The following SYTL3 variants were observed in gnomAD, a reference collection of about 807,000 sequenced individuals.
SYTL3 encodes the protein synaptotagmin like 3.
SYTL3 carries 88 observed loss-of-function variants against 82.1 expected under a neutral mutation model. The observed-to-expected ratio is 1.07, with a 90% confidence interval of 0.90 to 1.28. The LOEUF (loss-of-function observed/expected upper bound fraction) is 1.28, where lower values mean the gene tolerates loss of function less well. Ranked by LOEUF, SYTL3 falls within the 50% of genes most tolerant of loss-of-function variation. SYTL3 has a pLI of 0.00. For missense variants in SYTL3, 831 were observed against 757.6 expected, an observed-to-expected ratio of 1.10 and a Z score of -1.14; for synonymous variants, 311 against 289.4, an observed-to-expected ratio of 1.07 and a Z score of -0.76.
rs546702503 is a variant in SYTL3, at chr6:158,678,111, A to G, written c.330-4814A>G. 1.8e-4 allele frequency among the ~76,000 whole-genome samples: 28 copies of G among 152,246 alleles called. No individual in the cohort carries two copies. In the South Asian group the frequency reaches 5.8e-3, roughly 32 times the overall value. ...AGGCTGGTCTGGAACTCCTGCGTTC[A>G]AGCAATCCTCTCGCCTCGGCCTCCG... On this transcript the variant is annotated intron_variant, in intron 5 of 17. Transcript: ENST00000611299.
intron 2 of SYTL3, among the ~76,000 whole-genome samples, chr6:158,660,966 G>A (rs527664322): frequency 3.2e-4 from 48 of 152,282 alleles, no homozygotes; most frequent in South Asian, 1.2e-3. Context: ...GAGGCTAAAG[G>A]ATTGCTTGAG....
chr6:158,697,277 GAA>G (rs35335929), intron 6 of SYTL3, among the ~76,000 whole-genome samples: 184 of 94,484 alleles, frequency 1.9e-3, no homozygotes, highest in Middle Eastern at 6.0e-3. Flanking sequence ...CATCTCTACG[GAA>G]AAAAAAAAAA....
chr6:158,758,072 G>C (rs137957471), intron 14 of SYTL3, among the ~76,000 whole-genome samples: 1 of 152,162 alleles, frequency 6.6e-6, no homozygotes, highest in Non-Finnish European at 1.5e-5. Flanking sequence ...GCTGTGTCCA[G>C]ATCCCGGACT....
intron 6 of SYTL3, among the ~76,000 whole-genome samples, chr6:158,694,089 G>T (rs1780304207): frequency 6.6e-6 from 1 of 152,088 alleles, no homozygotes; most frequent in African/African-American, 2.4e-5. Context: ...TAAAAGAAGT[G>T]TGTGTCTTGG....
At chr6:158,704,428 A>G (rs980313631) in intron 6 of SYTL3, among the ~76,000 whole-genome samples, 1 of 152,212 alleles carries the variant, frequency 6.6e-6, no homozygotes, top group African/African-American at 2.4e-5. Context: ...CGCAGCGGGG[A>G]CGCGGGGGAT....
intron 11 of SYTL3, among the ~76,000 whole-genome samples, chr6:158,743,671 C>T (rs1438412076): frequency 1.5e-5 from 2 of 134,012 alleles, no homozygotes; most frequent in Non-Finnish European, 3.1e-5. Context: ...GTCTCAAACT[C>T]CTGACTTCAA....
At chr6:158,720,428 C>G (rs1325168640) in intron 10 of SYTL3, among the ~76,000 whole-genome samples, 1 of 121,790 alleles carries the variant, frequency 8.2e-6, no homozygotes, top group Non-Finnish European at 1.7e-5. Flanking sequence ...AAAAAAAAGC[C>G]TGAGTTTTAG....
At chr6:158,718,278 T>A (rs543614858) in intron 10 of SYTL3, 67 bp downstream of exon 10, 3 of 1,332,374 alleles carry the variant, frequency 2.3e-6, no homozygotes, top group East Asian at 5.8e-5. Context: ...CTTTCTAGCC[T>A]GCCTTCTCTG....
At chr6:158,674,115 TAATAATGATG>T (rs1235253678) in intron 5 of SYTL3, among the ~76,000 whole-genome samples, 90 of 147,082 alleles carry the variant, frequency 6.1e-4, no homozygotes, top group African/African-American at 2.3e-3. Context: ...ATAATAATAA[TAATAATGATG>T]ATGATGATGA....
At chr6:158,681,289 T>C (rs369348431) in intron 5 of SYTL3, among the ~76,000 whole-genome samples, 1 of 152,116 alleles carries the variant, frequency 6.6e-6, no homozygotes, top group African/African-American at 2.4e-5. Flanking sequence ...GGAAAACCCA[T>C]GTTAGGACGT....
Position 158,760,746 on chromosome 6 carries a change from G to A in SYTL3, c.1414+1G>A. 1 of 1,611,282 alleles carries A rather than the reference G, an allele frequency of 6.2e-7. No homozygotes were observed. Among genetic ancestry groups the A allele is most frequent in the Non-Finnish European group, 8.5e-7 (1 of 1,177,398 alleles). On this transcript the variant is annotated splice_donor_variant, in intron 15 of 17. Coordinates refer to ENST00000611299, the MANE Select transcript of SYTL3 (RefSeq NM_001242394.2). LOFTEE classifies it high-confidence loss of function. ...AGAAAACTCCAAGAGGCTCAAGAAG[G>A]TCAGTGGCCTCCAGCTCCCTGGACA...
At chr6:158,746,699 C>T (rs925506604) in intron 12 of SYTL3, among the ~76,000 whole-genome samples, 3 of 151,494 alleles carry the variant, frequency 2.0e-5, no homozygotes, top group Admixed American at 6.6e-5. Flanking sequence ...TTCCTGACCT[C>T]GTGATCCACC....
At chr6:158,669,511 T>C (rs1436611539) in intron 5 of SYTL3, among the ~76,000 whole-genome samples, 3 of 152,232 alleles carry the variant, frequency 2.0e-5, no homozygotes, top group East Asian at 1.9e-4. Context: ...ATTTTAACAA[T>C]GATAAAGGTG....
intron 5 of SYTL3, among the ~76,000 whole-genome samples, chr6:158,679,006 A>G (rs1178671946): frequency 1.3e-5 from 2 of 152,198 alleles, no homozygotes; most frequent in South Asian, 2.1e-4. Flanking sequence ...TGGCCCTAAC[A>G]TGGACAGAGA....
chr6:158,728,751 T>C lies in SYTL3; in HGVS notation c.855+3114T>C, dbSNP rs376577293. Among the ~76,000 whole-genome samples, 359 of 152,230 alleles carry C rather than the reference T, an allele frequency of 2.4e-3. No individual in the cohort carries two copies. The Middle Eastern group carries it at 0.024, about 10-fold the overall frequency. On this transcript the variant is annotated intron_variant, in intron 11 of 17. Coordinates refer to ENST00000611299, the MANE Select transcript of SYTL3 (RefSeq NM_001242394.2). ...GTCAGGAGATCGAGACCATCCTGGC[T>C]AACAAGGTGAAACCCCTTCTCTACT...
intron 8 of SYTL3, among the ~76,000 whole-genome samples, chr6:158,711,292 A>C (rs34231667): frequency 6.6e-6 from 1 of 152,236 alleles, no homozygotes; most frequent in Non-Finnish European, 1.5e-5. Flanking sequence ...TGTGAGGAAT[A>C]CAATAAGAAG....
intron 11 of SYTL3, among the ~76,000 whole-genome samples, chr6:158,739,994 CTT>C (rs35026438): frequency 2.8e-5 from 3 of 105,574 alleles, no homozygotes; most frequent in Admixed American, 1.1e-4. Context: ...AGGCAACTTA[CTT>C]TTTTTTTTTT....
At chr6:158,731,507 A>G (rs1785414864) in intron 11 of SYTL3, among the ~76,000 whole-genome samples, 1 of 152,018 alleles carries the variant, frequency 6.6e-6, no homozygotes, top group Middle Eastern at 3.2e-3. Context: ...TCAAAAAAGC[A>G]TCATCACCTT....
At chr6:158,653,261 CT>C (rs1465170092) in intron 2 of SYTL3, among the ~76,000 whole-genome samples, 10 of 152,188 alleles carry the variant, frequency 6.6e-5, no homozygotes, top group Admixed American at 2.0e-4. Flanking sequence ...AATCCCAGCA[CT>C]TTGGGAGGCC....
Sources: allele counts gnomAD v4.1 joint callset (sites outside exome capture counted in the v4.1 genomes callset), GRCh38; gene constraint gnomAD v4.1.1; transcripts MANE v1.5; gene names NCBI Gene and HGNC (gene_info 2026-07-23, HGNC 2026-07-21).